ERC2: variants seen among roughly 807,000 people sequenced by gnomAD.
ERC2 encodes the protein ERC protein 2.
Under a neutral mutation model 114.8 loss-of-function variants are expected in ERC2, and 42 were observed. The ratio of observed to expected loss-of-function variants is 0.37; its 90% confidence interval spans 0.29 to 0.47. The LOEUF (loss-of-function observed/expected upper bound fraction) is 0.47, where lower values mean the gene tolerates loss of function less well. Among genes scored for constraint, ERC2 ranks in the 20% least tolerant of loss-of-function variants. The pLI is 0.99. For missense variants in ERC2, 939 were observed against 1,150.7 expected (o/e 0.82, Z 2.66); for synonymous variants, 454 against 425.5 (o/e 1.07, Z -0.82).
intron 15 of ERC2, among the ~76,000 whole-genome samples, chr3:55,706,287 C>T (rs1576230996): frequency 6.6e-6 from 1 of 152,164 alleles, no homozygotes; most frequent in African/African-American, 2.4e-5. Flanking sequence ...GTATCACTGC[C>T]CCATTCTCTC....
chr3:55,567,696 C>G (rs1440381939), intron 17 of ERC2, among the ~76,000 whole-genome samples: 1 of 151,978 alleles, frequency 6.6e-6, no homozygotes, highest in African/African-American at 2.4e-5. Context: ...AGGACTGCAT[C>G]TGGAGTGAGG....
intron 14 of ERC2, among the ~76,000 whole-genome samples, chr3:55,774,676 G>C (rs2068467475): frequency 6.6e-6 from 1 of 152,202 alleles, no homozygotes; most frequent in Admixed American, 6.5e-5. Context: ...TACCCACCAG[G>C]TAAACAGGAT....
intron 7 of ERC2, among the ~76,000 whole-genome samples, chr3:56,034,005 A>C (rs539497237): frequency 6.6e-6 from 1 of 152,330 alleles, no homozygotes; most frequent in South Asian, 2.1e-4. Context: ...AAATGTAAAT[A>C]AATTACGGAA....
intron 17 of ERC2, among the ~76,000 whole-genome samples, chr3:55,577,746 T>C (rs1161395365): frequency 6.6e-6 from 1 of 152,152 alleles, no homozygotes; most frequent in African/African-American, 2.4e-5. Context: ...CATTAAGAGA[T>C]GCTCCCTAAT....
At chr3:56,407,437 T>G (rs1004961862) in intron 2 of ERC2, among the ~76,000 whole-genome samples, 5 of 152,202 alleles carry the variant, frequency 3.3e-5, no homozygotes, top group Non-Finnish European at 5.9e-5. Context: ...ACAGAGGGTA[T>G]TTCTTATGAA....
intron 16 of ERC2, among the ~76,000 whole-genome samples, chr3:55,698,772 T>C (rs1450291902): frequency 6.6e-6 from 1 of 152,220 alleles, no homozygotes; most frequent in Non-Finnish European, 1.5e-5. Flanking sequence ...TAAATAGTTT[T>C]TGCATTTGGT....
intron 10 of ERC2, among the ~76,000 whole-genome samples, chr3:55,993,975 A>G (rs1396643432): frequency 1.3e-5 from 2 of 152,152 alleles, no homozygotes; most frequent in Non-Finnish European, 2.9e-5. Flanking sequence ...ATTTTAAAAG[A>G]AAGTAACTAC....
intron 3 of ERC2, among the ~76,000 whole-genome samples, chr3:56,267,511 C>G (rs2053392171): frequency 6.6e-6 from 1 of 152,076 alleles, no homozygotes; most frequent in Non-Finnish European, 1.5e-5. Context: ...GTGGCTCACG[C>G]CTGTAATCCC....
At chr3:56,360,019 G>T (rs1165999267) in intron 2 of ERC2, among the ~76,000 whole-genome samples, 1 of 149,754 alleles carries the variant, frequency 6.7e-6, no homozygotes, top group Non-Finnish European at 1.5e-5. Flanking sequence ...CCAATTAATG[G>T]TAAGTTAGGA....
intron 1 of ERC2, among the ~76,000 whole-genome samples, chr3:56,449,860 AG>A (rs1197110842): frequency 6.6e-6 from 1 of 152,268 alleles, no homozygotes; most frequent in Non-Finnish European, 1.5e-5. Context: ...AGTGGCTTTC[AG>A]CCTCAAAGTT....
At chr3:55,682,857 C>CCATG (rs568324353) in intron 17 of ERC2, among the ~76,000 whole-genome samples, 240 of 152,278 alleles carry the variant, frequency 1.6e-3, no homozygotes, top group African/African-American at 5.4e-3. Flanking sequence ...TTCCATGTAA[C>CCATG]CATGTGTATA....
At chr3:56,229,025 A>C (rs920059343) in intron 3 of ERC2, among the ~76,000 whole-genome samples, 1 of 152,092 alleles carries the variant, frequency 6.6e-6, no homozygotes, top group African/African-American at 2.4e-5. Flanking sequence ...TTAATGCATA[A>C]TTTTACAGAA....
At chr3:55,690,200 T>C (rs2062566138) in intron 16 of ERC2, among the ~76,000 whole-genome samples, 1 of 152,190 alleles carries the variant, frequency 6.6e-6, no homozygotes, top group Admixed American at 6.5e-5. Flanking sequence ...TAACAGACTT[T>C]GTGAGTGTGT....
At chr3:56,464,942 A>G (rs1212588874) in intron 1 of ERC2, among the ~76,000 whole-genome samples, 1 of 152,252 alleles carries the variant, frequency 6.6e-6, no homozygotes, top group African/African-American at 2.4e-5. Flanking sequence ...AGATTGTACA[A>G]AAGTCAACCT....
At chr3:56,151,078 A>C (rs1219844288) in intron 4 of ERC2, among the ~76,000 whole-genome samples, 1 of 152,200 alleles carries the variant, frequency 6.6e-6, no homozygotes, top group Non-Finnish European at 1.5e-5. Flanking sequence ...TCTAGCCTCC[A>C]GAACTGTGAG....
At chr3:55,761,609 T>G (rs368831154) in intron 14 of ERC2, among the ~76,000 whole-genome samples, 1 of 152,070 alleles carries the variant, frequency 6.6e-6, no homozygotes, top group Non-Finnish European at 1.5e-5. Flanking sequence ...TGAGGTGATA[T>G]GGTTTGGCAA....
chr3:55,669,379 G>A (rs1026287848), intron 17 of ERC2, among the ~76,000 whole-genome samples: 6 of 152,340 alleles, frequency 3.9e-5, no homozygotes, highest in Non-Finnish European at 7.3e-5. Context: ...CTGCAAGTGT[G>A]TACATGCTTT....
At chr3:56,223,818 T>A (rs1339718246) in intron 3 of ERC2, among the ~76,000 whole-genome samples, 1 of 152,192 alleles carries the variant, frequency 6.6e-6, no homozygotes, top group Non-Finnish European at 1.5e-5. Context: ...TCCTCTCCAC[T>A]AAGTACATTT....
At chr3:56,454,828 C>T (rs950600936) in intron 1 of ERC2, among the ~76,000 whole-genome samples, 1 of 148,732 alleles carries the variant, frequency 6.7e-6, no homozygotes, top group Non-Finnish European at 1.5e-5. Flanking sequence ...CACTGCACTC[C>T]CACTTGGGCA....
Sources: allele counts gnomAD v4.1 joint callset (sites outside exome capture counted in the v4.1 genomes callset), GRCh38; gene constraint gnomAD v4.1.1; transcripts MANE v1.5; gene names NCBI Gene and HGNC (gene_info 2026-07-23, HGNC 2026-07-21).